Variants in XRRA1 observed in about 807,000 individuals in gnomAD.
XRRA1 encodes X-ray radiation resistance associated 1.
In XRRA1, 69 loss-of-function variants were observed where a neutral mutation model predicts 80.2. The observed-to-expected ratio is 0.86, with a 90% CI of 0.71 to 1.05. XRRA1 has a LOEUF of 1.05. Ranked by LOEUF, XRRA1 falls within the 50% of genes least tolerant of loss-of-function variation. The probability of loss-of-function intolerance (pLI) is 0.00; values close to 1 mark genes in which losing one functional copy is unlikely to be tolerated. For missense variants in XRRA1, 967 were observed against 976.4 expected, an observed-to-expected ratio of 0.99 and a Z score of 0.13; for synonymous variants, 348 against 389.9, an observed-to-expected ratio of 0.89 and a Z score of 1.27.
intron 3 of XRRA1, among the ~76,000 whole-genome samples, chr11:74,939,689 A>T (rs1945897878): frequency 6.6e-6 from 1 of 152,224 alleles, no homozygotes; most frequent in Non-Finnish European, 1.5e-5. Flanking sequence ...AGAAAGCAAG[A>T]TGTAGATACT....
In XRRA1 at chr11:74,940,871, A is replaced by C; in HGVS notation, c.8T>G (p.Phe3Cys). 6.2e-7 allele frequency: 1 copy of C among 1,607,194 alleles called. No homozygotes were observed. Among genetic ancestry groups the C allele is most frequent in the Non-Finnish European group, 8.5e-7 (1 of 1,176,876 alleles). Residue 3 changes from phenylalanine (F) to cysteine (C), a missense_variant, in exon 3 of 19, where the codon TTC (phenylalanine) becomes TGC (cysteine). Transcript: ENST00000684022. ...ATCATCCAGCTTGTAGATTCCTGAG[A>C]AGGCCATCTCCCTGAGAGCCAGGCA... is the stretch of plus-strand genomic sequence containing the variant. MAFSGIYKLDDGK... is the reference protein window; with the variant it reads MACSGIYKLDDGK...
intron 12 of XRRA1, among the ~76,000 whole-genome samples, chr11:74,856,941 T>C (rs1405776070): frequency 6.6e-6 from 1 of 152,022 alleles, no homozygotes; most frequent in East Asian, 1.9e-4. Context: ...CCTAGCACAT[T>C]AGAGGTCTCC....
chr11:74,929,433 C>T (rs191683376), intron 6 of XRRA1, among the ~76,000 whole-genome samples: 1 of 152,200 alleles, frequency 6.6e-6, no homozygotes, highest in Non-Finnish European at 1.5e-5. Context: ...ACTCTCCTCA[C>T]AGCTGCCACT....
chr11:74,924,556 G>A, intron 7 of XRRA1, among the ~76,000 whole-genome samples: 1 of 152,128 alleles, frequency 6.6e-6, no homozygotes, highest in Non-Finnish European at 1.5e-5. Flanking sequence ...GTTTTAGGCT[G>A]GGCGTGGTGG....
chr11:74,876,167 A>G (rs1181088204), intron 10 of XRRA1: 3 of 152,350 alleles, frequency 2.0e-5, no homozygotes, highest in African/African-American at 7.2e-5. Context: ...CAGCTGTCAC[A>G]TAAGGGGTCA....
At chr11:74,911,298 A>G (rs1301228746) in intron 8 of XRRA1, 2 of 152,158 alleles carry the variant, frequency 1.3e-5, no homozygotes, top group African/African-American at 4.8e-5. Flanking sequence ...GCTGGCCTCA[A>G]ACTCCTGGGC....
intron 8 of XRRA1, among the ~76,000 whole-genome samples, chr11:74,917,976 T>TA (rs34040155): frequency 0.58 from 86,742 of 149,268 alleles, 25,764 homozygotes; most frequent in Middle Eastern, 0.76. Context: ...ACCTTGAGGT[T>TA]AAAAAAAAAA....
intron 8 of XRRA1, chr11:74,919,645 T>C: frequency 1.8e-6 from 1 of 557,180 alleles, no homozygotes; most frequent in Non-Finnish European, 3.5e-6. Context: ...ATCAATGAGG[T>C]GGTGACCCGA....
chr11:74,883,106 C>G (rs901390585), intron 10 of XRRA1, among the ~76,000 whole-genome samples: 1 of 152,340 alleles, frequency 6.6e-6, no homozygotes, highest in South Asian at 2.1e-4. Context: ...GCCCCTCCCC[C>G]AGCCTCGCTG....
chr11:74,888,752 C>T (rs575178545), intron 10 of XRRA1, among the ~76,000 whole-genome samples: 20 of 152,148 alleles, frequency 1.3e-4, no homozygotes, highest in South Asian at 6.2e-4. Context: ...AACCATGGCA[C>T]GAGAACTACG....
intron 8 of XRRA1, among the ~76,000 whole-genome samples, chr11:74,907,556 G>A (rs2054911902): frequency 6.6e-6 from 1 of 152,172 alleles, no homozygotes; most frequent in Non-Finnish European, 1.5e-5. Flanking sequence ...TGTATAGGTA[G>A]TGCTTATAGA....
At chr11:74,928,482 G>T (rs1397468691) in intron 6 of XRRA1, among the ~76,000 whole-genome samples, 3 of 152,166 alleles carry the variant, frequency 2.0e-5, no homozygotes, top group African/African-American at 7.2e-5. Context: ...AGCCAGGGTG[G>T]CTTTTGCATC....
intron 10 of XRRA1, among the ~76,000 whole-genome samples, chr11:74,881,420 T>C (rs2047550330): frequency 6.6e-6 from 1 of 150,866 alleles, no homozygotes; most frequent in Non-Finnish European, 1.5e-5. Flanking sequence ...TTTATCCAAT[T>C]TGCCAGTCTG....
At chr11:74,846,286 C>G (rs2038143536) in intron 15 of XRRA1, 1 of 151,850 alleles carries the variant, frequency 6.6e-6, no homozygotes, top group Admixed American at 6.5e-5. Context: ...CTATAACAAG[C>G]AAAAAAGCTG....
At chr11:74,880,982 T>A (rs1313490571) in intron 10 of XRRA1, among the ~76,000 whole-genome samples, 7 of 147,290 alleles carry the variant, frequency 4.8e-5, no homozygotes, top group African/African-American at 1.8e-4. Context: ...TTAGGTCCGC[T>A]TGGTGCAGAG....
At chr11:74,929,892 C>T (rs1943110824) in intron 6 of XRRA1, among the ~76,000 whole-genome samples, 1 of 152,154 alleles carries the variant, frequency 6.6e-6, no homozygotes, top group South Asian at 2.1e-4. Flanking sequence ...GCACTCATTT[C>T]TAAAAGCCAA....
chr11:74,946,417 C>G (rs982497072), intron 1 of XRRA1, among the ~76,000 whole-genome samples: 1 of 152,182 alleles, frequency 6.6e-6, no homozygotes, highest in African/African-American at 2.4e-5. Flanking sequence ...TGAGTGAGCT[C>G]TCACGAGATC....
chr11:74,918,540 T>C (rs1195553173), intron 8 of XRRA1, among the ~76,000 whole-genome samples: 1 of 152,194 alleles, frequency 6.6e-6, no homozygotes, highest in Admixed American at 6.5e-5. Context: ...TAAAAGCATG[T>C]TGCAGTTGCT....
intron 10 of XRRA1, among the ~76,000 whole-genome samples, chr11:74,868,111 G>T (rs1226641711): frequency 6.6e-6 from 1 of 152,058 alleles, no homozygotes; most frequent in Middle Eastern, 3.4e-3. Context: ...TAGAGACAGG[G>T]TTTCACCATA....
Sources: allele counts gnomAD v4.1 joint callset (sites outside exome capture counted in the v4.1 genomes callset), GRCh38; gene constraint gnomAD v4.1.1; transcripts MANE v1.5; gene names NCBI Gene and HGNC (gene_info 2026-07-23, HGNC 2026-07-21).